The following TOR1A variants were observed in gnomAD, a reference collection of about 807,000 sequenced individuals.
TOR1A encodes the protein torsin family 1 member A.
In TOR1A, 18 loss-of-function variants were observed where a neutral mutation model predicts 31.4. That is an observed-to-expected ratio of 0.57 (90% CI 0.40 to 0.85). TOR1A has a LOEUF of 0.85. Among genes scored for constraint, TOR1A ranks in the 40% least tolerant of loss-of-function variants. The probability of loss-of-function intolerance (pLI) is 0.00; values close to 1 mark genes in which losing one functional copy is unlikely to be tolerated. For synonymous variants in TOR1A, 168 were observed against 165.9 expected, an observed-to-expected ratio of 1.01 and a Z score of -0.10; for missense variants, 375 against 416.4, an observed-to-expected ratio of 0.90 and a Z score of 0.87.
At chr9:129,823,472 G>A (rs978154910) in intron 1 of TOR1A, 14 of 259,034 alleles carry the variant, frequency 5.4e-5, no homozygotes, top group Non-Finnish European at 9.1e-5. Flanking sequence ...CCCTACCCCG[G>A]CCTGGCCCTA....
At chr9:129,819,696 T>C (rs2031133610) in intron 2 of TOR1A, among the ~76,000 whole-genome samples, 1 of 151,596 alleles carries the variant, frequency 6.6e-6, no homozygotes, top group Non-Finnish European at 1.5e-5. Context: ...AGGCGGAGGT[T>C]GCGGTGAGCC....
At position 129,818,820 on chromosome 9, in the gene TOR1A, G is replaced by A. The variant is rs761452796; in HGVS notation, c.545C>T (p.Ala182Val). 6.2e-7 allele frequency: 1 copy of A among 1,613,782 alleles called. No individual in the cohort carries two copies. The highest frequency in any genetic ancestry group is 2.2e-5 in the East Asian group (1 of 44,888). Reference sequence around the variant, plus strand: ...ATAATAGTCGAGGAAAGGCTTGATGGCATCTATGAGGCCTGCATGCATCTT... The same window carrying A: ...ATAATAGTCGAGGAAAGGCTTGATGACATCTATGAGGCCTGCATGCATCTT... ...MDKMHAGLIDAIKPFLDYYDL... is the reference protein window; with the variant it reads ...MDKMHAGLIDVIKPFLDYYDL... Residue 182 changes from alanine (A) to valine (V), a missense_variant, in exon 3 of 5, where the codon GCC (alanine) becomes GTC (valine). Transcript: ENST00000351698.
At chr9:129,814,249 C>A in intron 4 of TOR1A, 27 bp from the exon 5 acceptor site, 1 of 1,613,650 alleles carries the variant, frequency 6.2e-7, no homozygotes, top group South Asian at 1.1e-5. Flanking sequence ...AGGTGCTGTT[C>A]ATCCACATCC....
rs1298401908 is a variant in TOR1A at position 129,813,656 on chromosome 9, T to C, written c.*316A>G. 3 of 453,604 alleles carry C rather than the reference T, an allele frequency of 6.6e-6. No individual in the cohort carries two copies. Among genetic ancestry groups the C allele is most frequent in the Non-Finnish European group, 1.2e-5 (3 of 249,122 alleles). The allele number at this position is 453,604 out of a possible 1,614,324, so 28.1% of individuals were successfully genotyped here. A position where few individuals can be genotyped will look rare whatever the true frequency, so the allele number is the denominator to read the frequency against. ...CCACATTTTCAATAAAACTTATTCA[T>C]CCTTCCTTGAAACAGAAACACTTGG... On this transcript the variant is annotated 3_prime_UTR_variant, in exon 5 of 5. Transcript: ENST00000351698.
intron 4 of TOR1A, among the ~76,000 whole-genome samples, chr9:129,815,309 A>G (rs2031008169): frequency 6.6e-6 from 1 of 152,210 alleles, no homozygotes; most frequent in South Asian, 2.1e-4. Flanking sequence ...CCAACCACTG[A>G]ATGGGAACGA....
chr9:129,816,065 C>G (rs1343507687), intron 4 of TOR1A, among the ~76,000 whole-genome samples: 1 of 152,128 alleles, frequency 6.6e-6, no homozygotes, highest in African/African-American at 2.4e-5. Flanking sequence ...CATGGCCCGC[C>G]AGGCTTCCCA....
At position 129,814,022 on chromosome 9, in the gene TOR1A, T is replaced by A. The variant is rs1564181992; in HGVS notation, c.949A>T (p.Lys317Ter). ...TTGGTGAACACCGTTTTGCAGCCTT[T>A]ATCTGAGAAAACTCTCTCCTCTTTG... ...FPKEERVFSD[K>*]GCKTVFTKLD... is the part of the protein sequence containing the mutation. Residue 317 changes from lysine to a stop codon, truncating the protein, a stop_gained, in exon 5 of 5, where the codon AAA becomes TAA. Coordinates refer to ENST00000351698, the MANE Select transcript of TOR1A (RefSeq NM_000113.3). LOFTEE classifies it high-confidence loss of function. The A allele has an allele frequency of 6.2e-7, 1 of 1,614,234 alleles. No homozygotes were observed. The highest frequency in any genetic ancestry group is 1.7e-5 in the Admixed American group (1 of 60,026).
intron 1 of TOR1A, 122 bp downstream of exon 1, chr9:129,823,786 C>T (rs2031252689): frequency 7.8e-6 from 10 of 1,277,018 alleles, no homozygotes; most frequent in African/African-American, 3.0e-5. Context: ...AGTCCTAGCC[C>T]GGCCCTGGTG....
chr9:129,813,922 T>G lies in TOR1A; in HGVS notation c.*50A>C. Reference sequence around the variant, plus strand: ...GGTGGAAGTGTGGAAGGACTGAGTGTTGTTTCTTTTCCAACTCCAGGCAGT... The same window carrying G: ...GGTGGAAGTGTGGAAGGACTGAGTGGTGTTTCTTTTCCAACTCCAGGCAGT... On this transcript the variant is annotated 3_prime_UTR_variant, in exon 5 of 5. Coordinates refer to ENST00000351698, the MANE Select transcript of TOR1A (RefSeq NM_000113.3). 1 of 1,609,134 alleles carries G rather than the reference T, an allele frequency of 6.2e-7. No individual in the cohort carries two copies. Among genetic ancestry groups the G allele is most frequent in the Non-Finnish European group, 8.5e-7 (1 of 1,179,114 alleles).
At chr9:129,823,216 T>C in intron 1 of TOR1A, 2 of 362,078 alleles carry the variant, frequency 5.5e-6, no homozygotes, top group Non-Finnish European at 1.1e-5. Flanking sequence ...CCATCCTTCC[T>C]GTCTCCCGCT....
At position 129,822,689 on chromosome 9, in the gene TOR1A, G is replaced by T. The variant is rs745446776; in HGVS notation, c.336C>A (p.Ser112Arg). The T allele has an allele frequency of 1.2e-6, 2 of 1,614,244 alleles. No homozygotes were observed. Among genetic ancestry groups the T allele is most frequent in the Non-Finnish European group, 8.5e-7 (1 of 1,180,052 alleles). Residue 112 changes from serine to arginine, a missense_variant, in exon 2 of 5, where the codon AGC becomes AGA. Coordinates refer to ENST00000351698, the MANE Select transcript of TOR1A (RefSeq NM_000113.3). The part of the protein sequence containing the change: ...GWTGTGKNFV[S>R]KIIAENIYEG... The stretch of plus-strand genomic sequence containing the variant: ...CGTAAATATTCTCTGCGATGATCTT[G>T]CTGACGAAATTTTTGCCGGTGCCTG...
At position 129,824,127 on chromosome 9, in the gene TOR1A, G is replaced by C; in HGVS notation, c.-42C>G. 6.5e-7 allele frequency: 1 copy of C among 1,537,712 alleles called. No individual in the cohort carries two copies. The highest frequency in any genetic ancestry group is 8.7e-7 in the Non-Finnish European group (1 of 1,147,486). On this transcript the variant is annotated 5_prime_UTR_variant, in exon 1 of 5. Transcript: ENST00000351698. Reference sequence around the variant, plus strand: ...CCCTGCTTGTTCTCGCGCCGACCGCGAACCGGTGCAGCCGCCAGACCCACG... The same window carrying C: ...CCCTGCTTGTTCTCGCGCCGACCGCCAACCGGTGCAGCCGCCAGACCCACG...
chr9:129,817,409 T>C (rs140883083), intron 4 of TOR1A, among the ~76,000 whole-genome samples: 2,485 of 152,050 alleles, frequency 0.016, 71 homozygotes, highest in African/African-American at 0.056. Context: ...CTGAAGAAAA[T>C]GGGGGAACTG....
intron 2 of TOR1A, chr9:129,822,353 C>T: frequency 6.3e-6 from 4 of 634,848 alleles, no homozygotes; most frequent in East Asian, 3.1e-5. Flanking sequence ...TCCCATGACC[C>T]TACATACTCA....
chr9:129,820,671 TG>T, intron 2 of TOR1A, among the ~76,000 whole-genome samples: 1 of 152,102 alleles, frequency 6.6e-6, no homozygotes, highest in African/African-American at 2.4e-5. Flanking sequence ...GTCTGCTCAC[TG>T]CAGCCTCGAC....
intron 2 of TOR1A, among the ~76,000 whole-genome samples, chr9:129,821,056 C>CT (rs1321445311): frequency 6.6e-6 from 1 of 152,162 alleles, no homozygotes; most frequent in Non-Finnish European, 1.5e-5. Flanking sequence ...AATTTCAGCA[C>CT]TTTGGGAAGT....
At position 129,813,043 on chromosome 9, in the gene TOR1A, G is replaced by A. The variant is rs1157151452; in HGVS notation, c.*929C>T. ...GAAGGGGCAGCTAAGCTTTATAGGA[G>A]GTTTCGGGGATTCTGATTGAACGTA... On this transcript the variant is annotated 3_prime_UTR_variant, in exon 5 of 5. Transcript: ENST00000351698. 6.6e-6 allele frequency: 1 copy of A among 152,162 alleles called. No individual in the cohort carries two copies. Among genetic ancestry groups the A allele is most frequent in the Non-Finnish European group, 1.5e-5 (1 of 68,038 alleles). The allele number at this position is 152,162 out of a possible 1,614,324, so 9.4% of individuals were successfully genotyped here. A position where few individuals can be genotyped will look rare whatever the true frequency, so the allele number is the denominator to read the frequency against.
intron 1 of TOR1A, 75 bp from the exon 2 acceptor site, chr9:129,822,921 A>T: frequency 6.2e-7 from 1 of 1,605,836 alleles, no homozygotes. Flanking sequence ...GCCCATAAGA[A>T]AGCCAGCAAA....
intron 4 of TOR1A, among the ~76,000 whole-genome samples, chr9:129,816,710 C>T (rs147451266): frequency 2.0e-5 from 3 of 152,370 alleles, no homozygotes; most frequent in African/African-American, 4.8e-5. Context: ...GTAACCTCCA[C>T]AGCGTGGATT....
Sources: allele counts gnomAD v4.1 joint callset (sites outside exome capture counted in the v4.1 genomes callset), GRCh38; gene constraint gnomAD v4.1.1; transcripts MANE v1.5; gene names NCBI Gene and HGNC (gene_info 2026-07-23, HGNC 2026-07-21).